VWC2L: variants seen among roughly 807,000 people sequenced by gnomAD.
The protein encoded by VWC2L is von Willebrand factor C domain-containing protein 2-like.
In VWC2L, 10 loss-of-function variants were observed where a neutral mutation model predicts 21.6. The observed-to-expected ratio is 0.46, with a 90% CI of 0.29 to 0.78. VWC2L has a LOEUF of 0.78. Among genes scored for constraint, VWC2L ranks in the 30% least tolerant of loss-of-function variants. VWC2L has a pLI of 0.10. For synonymous variants in VWC2L, 96 were observed against 94.3 expected (o/e 1.02, Z -0.10); for missense variants, 209 against 277.1 (o/e 0.75, Z 1.74).
chr2:214,471,059 T>C (rs1703302000), intron 3 of VWC2L, among the ~76,000 whole-genome samples: 1 of 152,148 alleles, frequency 6.6e-6, no homozygotes, highest in Non-Finnish European at 1.5e-5. Context: ...TGAGTTTAAA[T>C]TGATTTTTCA....
At chr2:214,573,177 T>G (rs1690177291) in intron 3 of VWC2L, among the ~76,000 whole-genome samples, 1 of 152,098 alleles carries the variant, frequency 6.6e-6, no homozygotes. Flanking sequence ...TGCCTGTTTC[T>G]CTTATTGTGC....
At chr2:214,508,478 G>A (rs1408758176) in intron 3 of VWC2L, among the ~76,000 whole-genome samples, 1 of 152,044 alleles carries the variant, frequency 6.6e-6, no homozygotes, top group African/African-American at 2.4e-5. Flanking sequence ...ATCAAGCTTT[G>A]CTCATAGGAT....
intron 3 of VWC2L, among the ~76,000 whole-genome samples, chr2:214,452,154 T>TTG (rs1295156522): frequency 1.3e-5 from 2 of 152,116 alleles, no homozygotes; most frequent in African/African-American, 2.4e-5. Context: ...TTTTGGCTTT[T>TTG]TGTGTGTGTG....
rs369162495 is a variant in VWC2L, at chr2:214,564,656, A to G, written c.521-11016A>G. 7.9e-5 allele frequency among the ~76,000 whole-genome samples: 12 copies of G among 152,276 alleles called. 1 individual carries two copies. In the East Asian group the frequency reaches 2.1e-3, roughly 27 times the overall value. The stretch of plus-strand genomic sequence containing the variant: ...CTTTCAGCACATTTCCTCTTCTAAG[A>G]TGTGCCTGGTTGCCAAATACATTAT... On this transcript the variant is annotated intron_variant, in intron 3 of 3. Coordinates refer to ENST00000312504, the MANE Select transcript of VWC2L (RefSeq NM_001080500.4).
intron 3 of VWC2L, among the ~76,000 whole-genome samples, chr2:214,563,114 T>C (rs1235727495): frequency 6.6e-6 from 1 of 152,196 alleles, no homozygotes; most frequent in Non-Finnish European, 1.5e-5. Flanking sequence ...CTTTAATCCA[T>C]CTTGAGTAAA....
chr2:214,485,767 A>T (rs1164793123), intron 3 of VWC2L, among the ~76,000 whole-genome samples: 2 of 152,230 alleles, frequency 1.3e-5, no homozygotes, highest in East Asian at 3.9e-4. Context: ...ACTCTGGGAG[A>T]TCCTTGAAGA....
chr2:214,468,692 A>G lies in VWC2L; in HGVS notation c.520+31934A>G, dbSNP rs4359650. Among the ~76,000 whole-genome samples the G allele has an allele frequency of 2.6e-5, 4 of 152,350 alleles. No individual in the cohort carries two copies. The East Asian group carries it at 7.7e-4, about 29-fold the overall frequency. ...CTCAGTTTCATGCCAAATGCTGAGA[A>G]TTAGAACGTATAATGAGAAGAGAAT... On this transcript the variant is annotated intron_variant, in intron 3 of 3. Transcript: ENST00000312504.
rs537453207 is a variant in VWC2L at position 214,476,286 on chromosome 2, AC to A, written c.520+39530del. ...AATATTTCAATGATATATATTCATA[AC>A]CAAATCATGCACATTCCAATTGATA... On this transcript the variant is annotated intron_variant, in intron 3 of 3. Coordinates refer to ENST00000312504, the MANE Select transcript of VWC2L (RefSeq NM_001080500.4). 2.6e-5 allele frequency among the ~76,000 whole-genome samples: 4 copies of A among 152,344 alleles called. No individual in the cohort carries two copies. The South Asian group carries it at 8.3e-4, about 32-fold the overall frequency.
At chr2:214,532,135 C>A (rs1000280362) in intron 3 of VWC2L, among the ~76,000 whole-genome samples, 2 of 151,998 alleles carry the variant, frequency 1.3e-5, no homozygotes, top group Admixed American at 6.6e-5. Flanking sequence ...CTGAAAAAAC[C>A]TGCTTCATTA....
chr2:214,575,610 T>C (rs926969367), intron 3 of VWC2L, 62 bp from the exon 4 acceptor site: 1 of 1,582,462 alleles, frequency 6.3e-7, no homozygotes, highest in Non-Finnish European at 8.6e-7. Context: ...TGGGTTTGGA[T>C]GGTGGGGAGA....
chr2:214,461,791 G>A (rs1016174455), intron 3 of VWC2L, among the ~76,000 whole-genome samples: 19 of 152,234 alleles, frequency 1.2e-4, no homozygotes, highest in Admixed American at 2.6e-4. Flanking sequence ...TGGCAGTGGC[G>A]GCAGTGGCAG....
At chr2:214,451,881 TAATTA>T (rs1282110041) in intron 3 of VWC2L, among the ~76,000 whole-genome samples, 3 of 152,244 alleles carry the variant, frequency 2.0e-5, no homozygotes, top group African/African-American at 7.2e-5. Context: ...TATCGAGATA[TAATTA>T]AATGAACTGT....
In VWC2L at chr2:214,413,774, T is replaced by C. The variant is rs182120517; in HGVS notation, c.-80-340T>C. Among the ~76,000 whole-genome samples the C allele has an allele frequency of 3.5e-3, 529 of 152,298 alleles. 2 individuals are homozygous for C. Among genetic ancestry groups the C allele is most frequent in the Non-Finnish European group, 6.0e-3 (409 of 68,022 alleles). ...ATAATAGAAAATGTGAGTTCAAATA[T>C]TCTTGAGCTATTTGTAAGTTACTCC... is the stretch of plus-strand genomic sequence containing the variant. On this transcript the variant is annotated intron_variant, in intron 1 of 3. Coordinates refer to ENST00000312504, the MANE Select transcript of VWC2L (RefSeq NM_001080500.4).
chr2:214,432,382 G>C (rs926577370), intron 2 of VWC2L, among the ~76,000 whole-genome samples: 1 of 152,160 alleles, frequency 6.6e-6, no homozygotes, highest in Non-Finnish European at 1.5e-5. Flanking sequence ...CTGAATGGTT[G>C]ACATGATGGA....
chr2:214,496,463 G>A (rs1688814832), intron 3 of VWC2L, among the ~76,000 whole-genome samples: 1 of 151,982 alleles, frequency 6.6e-6, no homozygotes, highest in Admixed American at 6.6e-5. Flanking sequence ...GTTATACTTA[G>A]GTCTCCAGAT....
intron 3 of VWC2L, among the ~76,000 whole-genome samples, chr2:214,526,121 C>T (rs1368356221): frequency 1.3e-5 from 2 of 150,500 alleles, no homozygotes; most frequent in East Asian, 1.9e-4. Flanking sequence ...TATATAATCA[C>T]TCTGGAAGCT....
At chr2:214,458,482 G>C (rs1703089056) in intron 3 of VWC2L, among the ~76,000 whole-genome samples, 2 of 151,806 alleles carry the variant, frequency 1.3e-5, no homozygotes, top group Admixed American at 6.6e-5. Context: ...TTTGGGTTTT[G>C]TTTGTTCTTG....
At chr2:214,571,358 A>C (rs1313469127) in intron 3 of VWC2L, among the ~76,000 whole-genome samples, 1 of 152,190 alleles carries the variant, frequency 6.6e-6, no homozygotes, top group African/African-American at 2.4e-5. Flanking sequence ...CAGTGTCCTG[A>C]AGATAAGAAC....
intron 3 of VWC2L, among the ~76,000 whole-genome samples, chr2:214,532,819 C>G (rs1463958185): frequency 6.6e-6 from 1 of 152,046 alleles, no homozygotes; most frequent in Non-Finnish European, 1.5e-5. Context: ...AAAACTTTCT[C>G]CCAGCTGAGT....
Sources: gnomAD v4.1 joint callset for allele counts (sites outside exome capture counted in the v4.1 genomes callset) on GRCh38, gnomAD v4.1.1 for gene constraint, MANE v1.5 for transcripts, NCBI Gene and HGNC (gene_info 2026-07-23, HGNC 2026-07-21) for gene names.